Variants in PYHIN1 observed in about 807,000 individuals in gnomAD.
The protein encoded by PYHIN1 is pyrin and HIN domain family member 1.
A neutral mutation model predicts 43.7 loss-of-function variants in PYHIN1; 32 were observed. The ratio of observed to expected loss-of-function variants is 0.73; its 90% CI spans 0.55 to 0.98. The LOEUF is 0.98. Among genes scored for constraint, PYHIN1 ranks in the 50% least tolerant of loss-of-function variants. The pLI, the probability that PYHIN1 is intolerant of heterozygous loss-of-function variation, is 0.00. For missense variants in PYHIN1, 588 were observed against 589.5 expected (o/e 1.00, Z 0.03); for synonymous variants, 205 against 203.1 (o/e 1.01, Z -0.08).
intron 7 of PYHIN1, among the ~76,000 whole-genome samples, chr1:158,957,328 G>C (rs1462753711): frequency 2.0e-5 from 3 of 151,872 alleles, no homozygotes; most frequent in African/African-American, 7.3e-5. Context: ...CAAAGCTGGA[G>C]GCATCACACT....
chr1:158,980,254 C>T (rs147687302), downstream of PYHIN1, among the ~76,000 whole-genome samples: 87 of 152,190 alleles, frequency 5.7e-4, 1 homozygote, highest in East Asian at 0.016. Flanking sequence ...ATCTCAGGAC[C>T]ACTGTGATAA....
At chr1:158,977,518 A>T (rs1267136342), downstream of PYHIN1, among the ~76,000 whole-genome samples, 1 of 152,120 alleles carries the variant, frequency 6.6e-6, no homozygotes, top group Non-Finnish European at 1.5e-5. Flanking sequence ...CTCTTCTCAC[A>T]TTCCACTATA....
chr1:158,965,553 A>G (rs1309642553), intron 7 of PYHIN1, among the ~76,000 whole-genome samples: 2 of 152,172 alleles, frequency 1.3e-5, no homozygotes, highest in Non-Finnish European at 2.9e-5. Flanking sequence ...CCTTCTCAGA[A>G]CACAGTGCAT....
intron 7 of PYHIN1, among the ~76,000 whole-genome samples, chr1:158,973,310 G>C (rs1405049179): frequency 6.6e-6 from 1 of 151,916 alleles, no homozygotes; most frequent in Admixed American, 6.6e-5. Context: ...TTTATCTGGT[G>C]GATCAGTAAG....
chr1:158,935,825 G>T (rs1433242685), intron 1 of PYHIN1, among the ~76,000 whole-genome samples: 1 of 152,050 alleles, frequency 6.6e-6, no homozygotes, highest in Non-Finnish European at 1.5e-5. Flanking sequence ...CCCAGTAAAG[G>T]ATGGGAAGAG....
At chr1:158,987,841 T>C in the PYHIN1 span, among the ~76,000 whole-genome samples, 1 of 152,206 alleles carries the variant, frequency 6.6e-6, no homozygotes, top group Non-Finnish European at 1.5e-5. Context: ...GATTTTAAAA[T>C]AGTGTCTTCC....
At chr1:158,947,455 A>T (rs1649284376) in intron 7 of PYHIN1, among the ~76,000 whole-genome samples, 2 of 152,326 alleles carry the variant, frequency 1.3e-5, no homozygotes, top group Non-Finnish European at 2.9e-5. Flanking sequence ...AGAAGCTTTG[A>T]CAAAGATTGC....
At chr1:158,952,672 G>A (rs1459950031) in intron 7 of PYHIN1, among the ~76,000 whole-genome samples, 2 of 152,188 alleles carry the variant, frequency 1.3e-5, no homozygotes, top group Non-Finnish European at 2.9e-5. Flanking sequence ...TCTAACTAAA[G>A]CCCATAGCGT....
chr1:158,940,959 G>A (rs1031666884), intron 4 of PYHIN1, among the ~76,000 whole-genome samples: 1 of 152,134 alleles, frequency 6.6e-6, no homozygotes, highest in African/African-American at 2.4e-5. Flanking sequence ...TTGTATTCAT[G>A]TGGCTCCTTG....
chr1:158,941,043 A>G (rs1648881570), intron 4 of PYHIN1, among the ~76,000 whole-genome samples: 1 of 152,208 alleles, frequency 6.6e-6, no homozygotes, highest in African/African-American at 2.4e-5. Flanking sequence ...GTGTTGGGAA[A>G]GGACTTTTCT....
intron 7 of PYHIN1, among the ~76,000 whole-genome samples, chr1:158,953,236 G>A (rs1649682828): frequency 7.2e-6 from 1 of 139,196 alleles, no homozygotes; most frequent in South Asian, 2.5e-4. Flanking sequence ...GCTCGAACTG[G>A]GTGGAGCCCA....
intron 7 of PYHIN1, among the ~76,000 whole-genome samples, chr1:158,947,828 G>A (rs188581130): frequency 7.4e-4 from 113 of 152,332 alleles, no homozygotes; most frequent in African/African-American, 2.7e-3. Flanking sequence ...ACCCACAGTT[G>A]ATCAAAGGTT....
At chr1:158,939,510 C>T (rs536149319) in intron 4 of PYHIN1, 1 of 1,550,556 alleles carries the variant, frequency 6.4e-7, no homozygotes, top group Admixed American at 2.0e-5. Flanking sequence ...CAGCAACAGA[C>T]TCACTGTCTA....
chr1:158,932,667 A>G (rs1446161363), intron 1 of PYHIN1, among the ~76,000 whole-genome samples: 1 of 152,226 alleles, frequency 6.6e-6, no homozygotes, highest in African/African-American at 2.4e-5. Flanking sequence ...TCCATTTTGC[A>G]AACACAATTA....
intron 7 of PYHIN1, among the ~76,000 whole-genome samples, chr1:158,947,414 A>G (rs1210954090): frequency 1.3e-5 from 2 of 152,098 alleles, no homozygotes; most frequent in Non-Finnish European, 2.9e-5. Context: ...CTCAGGTTTT[A>G]TTTTAAACTA....
intron 8 of PYHIN1, among the ~76,000 whole-genome samples, chr1:158,975,887 G>C (rs1024329467): frequency 6.6e-6 from 1 of 152,086 alleles, no homozygotes; most frequent in African/African-American, 2.4e-5. Flanking sequence ...TGAGTATGCA[G>C]AATGACTCAG....
intron 6 of PYHIN1, 91 bp downstream of exon 6, chr1:158,944,069 T>C: frequency 9.2e-7 from 1 of 1,091,338 alleles, no homozygotes. Flanking sequence ...GTTTTACACT[T>C]AAAATTCTGC....
the PYHIN1 span, among the ~76,000 whole-genome samples, chr1:158,986,640 C>T: frequency 3.9e-5 from 6 of 152,190 alleles, no homozygotes; most frequent in African/African-American, 1.4e-4. Context: ...CAGATGGGGA[C>T]ACTCTGATCA....
chr1:158,958,116 G>C (rs944214365), intron 7 of PYHIN1, among the ~76,000 whole-genome samples: 1 of 151,522 alleles, frequency 6.6e-6, no homozygotes, highest in Non-Finnish European at 1.5e-5. Context: ...ACAGGTGCTG[G>C]AGAGGATGTG....
Sources: gnomAD v4.1 joint callset for allele counts (sites outside exome capture counted in the v4.1 genomes callset) on GRCh38, gnomAD v4.1.1 for gene constraint, MANE v1.5 for transcripts, NCBI Gene and HGNC (gene_info 2026-07-23, HGNC 2026-07-21) for gene names.